Variants in MTF1 observed in about 807,000 individuals in gnomAD.
MTF1 encodes the protein metal regulatory transcription factor 1.
In MTF1, 22 loss-of-function variants were observed where a neutral mutation model predicts 70.4. That is an observed-to-expected ratio of 0.31 (90% CI 0.22 to 0.45). The LOEUF (loss-of-function observed/expected upper bound fraction) is 0.45. MTF1 is among the 20% of genes least tolerant of loss of function. The pLI is 1.00. For synonymous variants in MTF1, 333 were observed against 352.8 expected (o/e 0.94, Z 0.63); for missense variants, 649 against 922.0 (o/e 0.70, Z 3.83).
At chr1:37,836,950 G>A (rs1026770238) in intron 4 of MTF1, among the ~76,000 whole-genome samples, 2 of 150,208 alleles carry the variant, frequency 1.3e-5, no homozygotes, top group Admixed American at 6.6e-5. Flanking sequence ...GGGGGGCGGC[G>A]GGGAATAACC....
intron 2 of MTF1, among the ~76,000 whole-genome samples, chr1:37,856,390 G>A (rs913589442): frequency 6.6e-6 from 1 of 150,496 alleles, no homozygotes; most frequent in Non-Finnish European, 1.5e-5. Context: ...GTTGGCCAGG[G>A]TGCTCTTAAC....
intron 2 of MTF1, among the ~76,000 whole-genome samples, chr1:37,847,507 C>T (rs1641351173): frequency 6.6e-6 from 1 of 152,188 alleles, no homozygotes; most frequent in Non-Finnish European, 1.5e-5. Context: ...ACCACCATTG[C>T]CAGCATAATA....
chr1:37,834,587 TGTGGA>T, intron 6 of MTF1: 3 of 455,544 alleles, frequency 6.6e-6, no homozygotes, highest in Non-Finnish European at 4.4e-6. Flanking sequence ...GACAGTCTAT[TGTGGA>T]GTGGACAGAA....
At chr1:37,852,994 G>C (rs1641439039) in intron 2 of MTF1, among the ~76,000 whole-genome samples, 1 of 152,168 alleles carries the variant, frequency 6.6e-6, no homozygotes, top group Admixed American at 6.5e-5. Flanking sequence ...TAACACGTAC[G>C]AAGTTCTCTC....
intron 2 of MTF1, among the ~76,000 whole-genome samples, chr1:37,852,635 CT>C (rs35724646): frequency 1.2e-3 from 172 of 148,236 alleles, no homozygotes; most frequent in Non-Finnish European, 1.7e-3. Context: ...GATTCAAAAC[CT>C]TTTTTTTTTT....
At chr1:37,848,811 G>A (rs1314648278) in intron 2 of MTF1, among the ~76,000 whole-genome samples, 1 of 152,170 alleles carries the variant, frequency 6.6e-6, no homozygotes, top group Non-Finnish European at 1.5e-5. Flanking sequence ...GAGTTCAGAA[G>A]GGAACCTGCA....
At chr1:37,834,985 T>TA (rs1200841213) in intron 6 of MTF1, 94 bp downstream of exon 6, 2 of 1,360,118 alleles carry the variant, frequency 1.5e-6, no homozygotes, top group Non-Finnish European at 2.1e-6. Context: ...CACTAACAGA[T>TA]ATACAGAGAA....
At chr1:37,850,398 G>A (rs1163381263) in intron 2 of MTF1, among the ~76,000 whole-genome samples, 2 of 152,060 alleles carry the variant, frequency 1.3e-5, no homozygotes, top group African/African-American at 2.4e-5. Context: ...AGGAGTTTGA[G>A]GTTACAGTGA....
rs997207556 is a variant in MTF1, at chr1:37,840,377, A to G, written c.409-219T>C. ...TGATTTATGGGGAAGAAATAAGTCT[A>G]TATGTAGATGAATATTCTAAATGAA... On this transcript the variant is annotated intron_variant, in intron 2 of 10. Coordinates refer to ENST00000373036, the MANE Select transcript of MTF1 (RefSeq NM_005955.3). This position sits in a 1 kb window ranked among gnomAD's most constrained non-coding sequence, Gnocchi z 4.5. 21 of 599,988 alleles carry G rather than the reference A, an allele frequency of 3.5e-5. No individual in the cohort carries two copies. Among genetic ancestry groups the G allele is most frequent in the African/African-American group, 3.1e-4 (17 of 54,154 alleles). The allele number at this position is 599,988 out of a possible 1,614,324, so 37.2% of individuals were successfully genotyped here.
chr1:37,851,962 G>C (rs1641424383), intron 2 of MTF1, among the ~76,000 whole-genome samples: 1 of 151,608 alleles, frequency 6.6e-6, no homozygotes, highest in African/African-American at 2.4e-5. Flanking sequence ...CCAGTGCTCT[G>C]CTGCAAGTCT....
At chr1:37,821,131 G>A (rs1234547852) in intron 9 of MTF1, among the ~76,000 whole-genome samples, 1 of 151,854 alleles carries the variant, frequency 6.6e-6, no homozygotes, top group Admixed American at 6.6e-5. Flanking sequence ...AGCTGAGATC[G>A]CACCACTGCA....
intron 7 of MTF1, among the ~76,000 whole-genome samples, chr1:37,824,405 A>G (rs931321143): frequency 2.6e-5 from 4 of 152,244 alleles, no homozygotes; most frequent in African/African-American, 7.2e-5. Context: ...ACATTAAAAA[A>G]TGAGATTACA....
At chr1:37,855,531 C>T (rs1031315461) in intron 2 of MTF1, among the ~76,000 whole-genome samples, 6 of 152,186 alleles carry the variant, frequency 3.9e-5, no homozygotes, top group African/African-American at 1.4e-4. Context: ...AAGCCATATG[C>T]AATTTTAAGA....
chr1:37,835,575 A>T, intron 5 of MTF1, 96 bp downstream of exon 5: 1 of 901,216 alleles, frequency 1.1e-6, no homozygotes, highest in Non-Finnish European at 1.8e-6. Context: ...GAATATATAC[A>T]GGATCTATAT....
chr1:37,859,144 C>A (rs1210823353), intron 1 of MTF1, among the ~76,000 whole-genome samples: 2 of 152,202 alleles, frequency 1.3e-5, no homozygotes, highest in Non-Finnish European at 2.9e-5. Flanking sequence ...GCTGCCCCGG[C>A]ACCCTCGGCG....
intron 9 of MTF1, among the ~76,000 whole-genome samples, chr1:37,820,439 G>A (rs984066579): frequency 6.6e-6 from 1 of 152,232 alleles, no homozygotes; most frequent in African/African-American, 2.4e-5. Context: ...TTTGCCACTT[G>A]TGAGCTCTGT....
In MTF1 at chr1:37,822,513, C is replaced by A. The variant is rs1219883476; in HGVS notation, c.1375G>T (p.Gly459Cys). The A allele has an allele frequency of 1.1e-5, 18 of 1,613,926 alleles. No individual in the cohort carries two copies. The highest frequency in any genetic ancestry group is 1.4e-5 in the Non-Finnish European group (17 of 1,180,028). ...GGTTGTAAGAGAGCAGGGGGGTTGC[C>A]AAATGCAGCTTGCTGGGAGCCAGGT... ...LGPGSQQAAF[G>C]NPPALLQPPE... is the part of the protein sequence containing the mutation. The change falls in exon 9 of 11, where the codon GGC becomes TGC. Residue 459 changes from glycine (G) to cysteine (C), a missense_variant. Transcript: ENST00000373036.
chr1:37,847,504 T>C (rs61778083), intron 2 of MTF1, among the ~76,000 whole-genome samples: 13,180 of 152,288 alleles, frequency 0.087, 720 homozygotes, highest in Middle Eastern at 0.22. Flanking sequence ...TCCACCACCA[T>C]TGCCAGCATA....
At chr1:37,846,564 A>G (rs1222762074) in intron 2 of MTF1, among the ~76,000 whole-genome samples, 1 of 152,150 alleles carries the variant, frequency 6.6e-6, no homozygotes, top group Non-Finnish European at 1.5e-5. Context: ...GGCACAAAGT[A>G]GGAGCTTTCA....
Sources: gnomAD v4.1 joint callset for allele counts (sites outside exome capture counted in the v4.1 genomes callset) on GRCh38, gnomAD v4.1.1 for gene constraint, Gnocchi (gnomAD v3.1) non-coding constraint, MANE v1.5 for transcripts, NCBI Gene and HGNC (gene_info 2026-07-23, HGNC 2026-07-21) for gene names.